The following PRELID2 variants were observed in gnomAD, a reference collection of about 807,000 sequenced individuals.
PRELID2 encodes PRELI domain-containing protein 2.
PRELID2 carries 25 observed loss-of-function variants against 28.4 expected under a neutral mutation model. That is an observed-to-expected ratio of 0.88 (90% CI 0.64 to 1.23). The LOEUF (loss-of-function observed/expected upper bound fraction) is 1.23. Among genes scored for constraint, PRELID2 ranks in the 50% most tolerant of loss-of-function variants. PRELID2 has a pLI of 0.00. For missense variants in PRELID2, 201 were observed against 214.4 expected (o/e 0.94, Z 0.39); for synonymous variants, 76 against 71.6 (o/e 1.06, Z -0.31).
At chr5:145,496,305 C>A (rs949886600) in intron 1 of PRELID2, among the ~76,000 whole-genome samples, 1 of 152,048 alleles carries the variant, frequency 6.6e-6, no homozygotes, top group African/African-American at 2.4e-5. Context: ...AACTGATGAG[C>A]AGAAGTGGCT....
the PRELID2 span, among the ~76,000 whole-genome samples, chr5:145,396,565 T>C: frequency 1.1e-4 from 16 of 152,034 alleles, no homozygotes; most frequent in South Asian, 3.3e-3. Flanking sequence ...ACTCTCTGGT[T>C]CTTTGCAGTA....
downstream of PRELID2, among the ~76,000 whole-genome samples, chr5:145,752,770 T>C (rs772194293): frequency 6.6e-6 from 1 of 152,228 alleles, no homozygotes; most frequent in Non-Finnish European, 1.5e-5. Context: ...CCTTCCTGCC[T>C]GCTTTCTGTA....
At chr5:145,400,277 C>T in the PRELID2 span, among the ~76,000 whole-genome samples, 1 of 152,022 alleles carries the variant, frequency 6.6e-6, no homozygotes, top group Non-Finnish European at 1.5e-5. Context: ...ATTTTTCTCC[C>T]ATCCAGACCT....
At chr5:145,337,749 AC>A in the PRELID2 span, among the ~76,000 whole-genome samples, 1 of 145,212 alleles carries the variant, frequency 6.9e-6, no homozygotes, top group African/African-American at 2.6e-5. Context: ...ACACACACAC[AC>A]ACACACACAC....
chr5:145,800,105 T>A (rs2149824286), intron 4 of PRELID2, among the ~76,000 whole-genome samples: 1 of 152,248 alleles, frequency 6.6e-6, no homozygotes, highest in East Asian at 1.9e-4. Context: ...TGTGAGCACA[T>A]GCACTGAAAC....
chr5:145,724,723 A>AAC lies in PRELID2; in HGVS notation n.70+40207_70+40208insGT, dbSNP rs564735539. Among the ~76,000 whole-genome samples, 223 of 137,098 alleles carry AAC rather than the reference A, an allele frequency of 1.6e-3. 3 individuals carry two copies. The Admixed American group carries it at 0.017, about 10-fold the overall frequency. 89.9% of individuals were successfully genotyped at this position (137,098 alleles called of 152,430 possible). A position where few individuals can be genotyped will look rare whatever the true frequency, so the allele number is the denominator to read the frequency against. On this transcript the variant is annotated intron_variant and non_coding_transcript_variant, in intron 1 of 2. Transcript: ENST00000510259. ...GTATGTGTATACATATTACATATAT[A>AAC]ATATATATAATATAAAATATTATAT...
At chr5:145,356,852 G>C in the PRELID2 span, among the ~76,000 whole-genome samples, 1 of 152,146 alleles carries the variant, frequency 6.6e-6, no homozygotes, top group East Asian at 1.9e-4. Context: ...GAGTGTCAAT[G>C]TATGTTTTTG....
chr5:145,445,326 A>AT, the PRELID2 span, among the ~76,000 whole-genome samples: 2 of 152,212 alleles, frequency 1.3e-5, no homozygotes, highest in South Asian at 2.1e-4. Context: ...GGCTATTCAT[A>AT]TGCAGAAGAA....
chr5:145,550,236 C>G (rs374989841), intron 1 of PRELID2, among the ~76,000 whole-genome samples: 2 of 152,228 alleles, frequency 1.3e-5, no homozygotes, highest in African/African-American at 4.8e-5. Flanking sequence ...ATATAAAACT[C>G]TGGGACAGGA....
intron 1 of PRELID2, among the ~76,000 whole-genome samples, chr5:145,617,694 A>G (rs966245846): frequency 6.7e-6 from 1 of 149,954 alleles, no homozygotes; most frequent in Non-Finnish European, 1.5e-5. Context: ...AGTGTGTCCA[A>G]TGTTTCCTGA....
chr5:145,822,268 T>C (rs540379652), intron 2 of PRELID2, among the ~76,000 whole-genome samples: 8 of 152,308 alleles, frequency 5.3e-5, no homozygotes, highest in African/African-American at 1.7e-4. Context: ...TTGCTGGAGA[T>C]GGGGATAACA....
chr5:145,794,014 T>TA (rs1276923844), intron 5 of PRELID2, among the ~76,000 whole-genome samples: 1 of 152,094 alleles, frequency 6.6e-6, no homozygotes, highest in Non-Finnish European at 1.5e-5. Context: ...GCCTGACCTA[T>TA]AGGAGGCCAA....
At chr5:145,414,271 G>C in the PRELID2 span, among the ~76,000 whole-genome samples, 1 of 152,106 alleles carries the variant, frequency 6.6e-6, no homozygotes, top group African/African-American at 2.4e-5. Context: ...GAACTACTTG[G>C]CAGATGTGTC....
intron 4 of PRELID2, among the ~76,000 whole-genome samples, chr5:145,809,842 T>C (rs1190472608): frequency 6.6e-6 from 1 of 152,234 alleles, no homozygotes; most frequent in Non-Finnish European, 1.5e-5. Flanking sequence ...AAGAAAATGC[T>C]TTTACTAGGT....
the PRELID2 span, among the ~76,000 whole-genome samples, chr5:145,312,637 A>C: frequency 6.6e-6 from 1 of 152,068 alleles, no homozygotes; most frequent in South Asian, 2.1e-4. Flanking sequence ...GGCTTATTTC[A>C]CTTAACATAA....
intron 1 of PRELID2, among the ~76,000 whole-genome samples, chr5:145,575,402 C>T (rs1459835623): frequency 6.6e-6 from 1 of 152,096 alleles, no homozygotes; most frequent in East Asian, 1.9e-4. Flanking sequence ...TGATGAATTG[C>T]TCTTAGATTA....
rs376443166 is a variant in PRELID2 at position 145,607,141 on chromosome 5, T to C, written n.71-133826A>G. On this transcript the variant is annotated intron_variant and non_coding_transcript_variant, in intron 1 of 2. Transcript: ENST00000510259. ...ATTTGGATCTCCCCTCTTTTTTACT[T>C]TATTAGACCAGATAGCAGCCTATCA... 9.9e-5 allele frequency among the ~76,000 whole-genome samples: 15 copies of C among 152,262 alleles called. 1 individual carries two copies. The East Asian group carries it at 1.7e-3, about 18-fold the overall frequency.
chr5:145,647,003 C>A (rs1470487848), intron 1 of PRELID2, among the ~76,000 whole-genome samples: 1 of 152,176 alleles, frequency 6.6e-6, no homozygotes, highest in Non-Finnish European at 1.5e-5. Flanking sequence ...AGTCAGGGAC[C>A]TACTTGAGGA....
the PRELID2 span, among the ~76,000 whole-genome samples, chr5:145,386,012 T>C: frequency 6.6e-6 from 1 of 151,990 alleles, no homozygotes; most frequent in Non-Finnish European, 1.5e-5. Context: ...GGGGCTGTAT[T>C]AGTCTATTCC....
Sources: allele counts gnomAD v4.1 joint callset (sites outside exome capture counted in the v4.1 genomes callset), GRCh38; gene constraint gnomAD v4.1.1; transcripts MANE v1.5; gene names NCBI Gene and HGNC (gene_info 2026-07-23, HGNC 2026-07-21).